ATP11B: variants seen among roughly 807,000 people sequenced by gnomAD.
ATP11B encodes the protein ATPase phospholipid transporting 11B (putative).
ATP11B carries 81 observed loss-of-function variants against 157.8 expected under a neutral mutation model. The observed-to-expected ratio is 0.51, with a 90% CI of 0.43 to 0.62. The LOEUF (loss-of-function observed/expected upper bound fraction) is 0.62. Among genes scored for constraint, ATP11B ranks in the 20% least tolerant of loss-of-function variants. ATP11B has a pLI of 0.00. For missense variants in ATP11B, 1,165 were observed against 1,402.2 expected (o/e 0.83, Z 2.70); for synonymous variants, 451 against 469.4 (o/e 0.96, Z 0.51).
rs1354438265 is a variant in ATP11B at position 182,917,342 on chromosome 3, A to AT, written c.3453-677dup. On this transcript the variant is annotated intron_variant, in intron 29 of 29. Transcript: ENST00000323116. ...GGCAGGCTACTTTTGGTCTTGAGTT[A>AT]TTTTAGCTTAAATTAACTCAAGCTA... is the stretch of plus-strand genomic sequence containing the variant. 2.9e-5 allele frequency: 29 copies of AT among 985,324 alleles called. No individual in the cohort carries two copies. The African/African-American group carries it at 4.7e-4, about 16-fold the overall frequency. The allele number at this position is 985,324 out of a possible 1,614,324, so 61.0% of individuals were successfully genotyped here. A position where few individuals can be genotyped will look rare whatever the true frequency, so the allele number is the denominator to read the frequency against.
rs201763353 is a variant in ATP11B, at chr3:182,857,902, T to C, written c.876T>C (p.Ile292=). The change falls in exon 11 of 30, where the codon ATT becomes ATC. Residue 292 remains isoleucine, a synonymous_variant. Transcript: ENST00000323116. The stretch of plus-strand genomic sequence containing the variant: ...GGTCAATGAATACATTTTTGATAAT[T>C]TATCTAGTAATTCTTATATCTGAAG... ...VEKSMNTFLI[I]YLVILISEAV... is the part of the protein sequence containing the mutation. 2 of 1,542,512 alleles carry C rather than the reference T, an allele frequency of 1.3e-6. No individual in the cohort carries two copies. Among genetic ancestry groups the C allele is most frequent in the East Asian group, 4.5e-5 (2 of 44,238 alleles).
intron 29 of ATP11B, 130 bp from the exon 30 acceptor site, chr3:182,917,890 TGAA>T (rs771330070): frequency 3.2e-5 from 44 of 1,371,930 alleles, no homozygotes; most frequent in Non-Finnish European, 3.9e-5. Context: ...GATACTAGTA[TGAA>T]GAACCTCTCT....
At chr3:182,863,920 A>G (rs947338012) in intron 12 of ATP11B, among the ~76,000 whole-genome samples, 1 of 151,962 alleles carries the variant, frequency 6.6e-6, no homozygotes, top group Non-Finnish European at 1.5e-5. Flanking sequence ...GCTTTTTTTA[A>G]TTAACTTGCA....
intron 28 of ATP11B, among the ~76,000 whole-genome samples, chr3:182,913,163 A>C (rs1724911104): frequency 6.6e-6 from 1 of 152,200 alleles, no homozygotes; most frequent in African/African-American, 2.4e-5. Flanking sequence ...AATAAATTTT[A>C]ATTTATTAAA....
At chr3:182,852,828 A>G (rs899859543) in intron 10 of ATP11B, among the ~76,000 whole-genome samples, 1 of 152,234 alleles carries the variant, frequency 6.6e-6, no homozygotes, top group Non-Finnish European at 1.5e-5. Context: ...AGGAACCACC[A>G]AAATTGATAG....
rs138157292 is a variant in ATP11B, at chr3:182,818,361, A to T, written c.28-1899A>T. Among the ~76,000 whole-genome samples, 21 of 152,378 alleles carry T rather than the reference A, an allele frequency of 1.4e-4. No individual in the cohort carries two copies. The East Asian group carries it at 4.0e-3, about 29-fold the overall frequency. On this transcript the variant is annotated intron_variant, in intron 1 of 29. Coordinates refer to ENST00000323116, the MANE Select transcript of ATP11B (RefSeq NM_014616.3). ...TACCAAATTGTGAAAAATTTTAAAG[A>T]CACTTTATGAGGAAAATAAATATTT...
At chr3:182,837,244 C>A in intron 7 of ATP11B, 70 bp downstream of exon 7, 1 of 1,141,256 alleles carries the variant, frequency 8.8e-7, no homozygotes, top group Non-Finnish European at 1.2e-6. Flanking sequence ...TAACCATAAA[C>A]ATAAAATGAA....
At chr3:182,898,542 A>G (rs944772222) in intron 27 of ATP11B, 65 bp from the exon 28 acceptor site, 4 of 1,342,204 alleles carry the variant, frequency 3.0e-6, no homozygotes, top group African/African-American at 1.5e-5. Context: ...TAGTGTCTTT[A>G]TATGATGTCC....
chr3:182,912,325 T>C (rs1251401999), intron 28 of ATP11B, among the ~76,000 whole-genome samples: 2 of 152,184 alleles, frequency 1.3e-5, no homozygotes, highest in Non-Finnish European at 2.9e-5. Context: ...TGGAGAATTA[T>C]GATATCTCAG....
chr3:182,804,038 T>TA (rs1393443130), intron 1 of ATP11B, among the ~76,000 whole-genome samples: 2 of 152,214 alleles, frequency 1.3e-5, no homozygotes, highest in Non-Finnish European at 2.9e-5. Flanking sequence ...ATATGCCACT[T>TA]ACAGTGTTTG....
At position 182,873,082 on chromosome 3, in the gene ATP11B, G is replaced by A. The variant is rs1367702974; in HGVS notation, c.2048+545G>A. 3.3e-5 allele frequency among the ~76,000 whole-genome samples: 5 copies of A among 152,096 alleles called. No homozygotes were observed. The East Asian group carries it at 7.7e-4, about 23-fold the overall frequency. On this transcript the variant is annotated intron_variant, in intron 18 of 29. Transcript: ENST00000323116. ...ATTCTCTTCTTTGTGAAGTCTCATT[G>A]TAGGTAGTTCTGTTGTTGTCTTTGT... is the stretch of plus-strand genomic sequence containing the variant.
At chr3:182,905,185 A>G (rs1157184991) in intron 28 of ATP11B, among the ~76,000 whole-genome samples, 1 of 152,188 alleles carries the variant, frequency 6.6e-6, no homozygotes, top group Non-Finnish European at 1.5e-5. Flanking sequence ...CATTAAGGAC[A>G]TTGTCTTATA....
chr3:182,892,963 TG>T (rs1250168273), intron 25 of ATP11B, among the ~76,000 whole-genome samples: 3 of 152,212 alleles, frequency 2.0e-5, no homozygotes, highest in African/African-American at 7.2e-5. Flanking sequence ...TTTTTAACTT[TG>T]TTTTTTTCCT....
At chr3:182,842,354 C>G (rs750359488) in intron 8 of ATP11B, among the ~76,000 whole-genome samples, 4 of 152,150 alleles carry the variant, frequency 2.6e-5, no homozygotes, top group Admixed American at 2.6e-4. Context: ...GCTTACTTTT[C>G]TGATTGGTTT....
In ATP11B at chr3:182,793,741, G is replaced by T; in HGVS notation, c.-19G>T. The T allele has an allele frequency of 1.4e-6, 2 of 1,407,948 alleles. No individual in the cohort carries two copies. The highest frequency in any genetic ancestry group is 9.3e-7 in the Non-Finnish European group (1 of 1,075,250). 87.2% of individuals were successfully genotyped at this position (1,407,948 alleles called of 1,614,324 possible). ...GCGGCCCCCGCGCCCCGCGGGACCC[G>T]GACGGCGACGACGGGGGAATGTGGC... On this transcript the variant is annotated 5_prime_UTR_variant, in exon 1 of 30. Coordinates refer to ENST00000323116, the MANE Select transcript of ATP11B (RefSeq NM_014616.3).
intron 1 of ATP11B, among the ~76,000 whole-genome samples, chr3:182,809,713 T>A (rs1043162827): frequency 6.6e-6 from 1 of 152,216 alleles, no homozygotes; most frequent in Non-Finnish European, 1.5e-5. Flanking sequence ...TGTCTCACAT[T>A]TAAAACAGGA....
intron 19 of ATP11B, 86 bp downstream of exon 19, chr3:182,874,101 G>T: frequency 2.5e-6 from 3 of 1,187,234 alleles, no homozygotes; most frequent in Non-Finnish European, 3.5e-6. Flanking sequence ...CACTGTCACT[G>T]CCTGTTTTTT....
intron 1 of ATP11B, among the ~76,000 whole-genome samples, chr3:182,817,391 C>G (rs1489964536): frequency 2.0e-5 from 3 of 152,130 alleles, no homozygotes; most frequent in African/African-American, 7.2e-5. Flanking sequence ...AGCAGTTCCC[C>G]TGCCACAGCC....
At chr3:182,862,261 CAA>C (rs1457590164) in intron 12 of ATP11B, among the ~76,000 whole-genome samples, 2 of 150,188 alleles carry the variant, frequency 1.3e-5, no homozygotes, top group South Asian at 2.1e-4. Context: ...ACCTGGGTGA[CAA>C]GAGTGAAACC....
Sources: gnomAD v4.1 joint callset for allele counts (sites outside exome capture counted in the v4.1 genomes callset) on GRCh38, gnomAD v4.1.1 for gene constraint, MANE v1.5 for transcripts, NCBI Gene and HGNC (gene_info 2026-07-23, HGNC 2026-07-21) for gene names.